The following RBM23 variants were observed in gnomAD, a reference collection of about 807,000 sequenced individuals.
RBM23 encodes probable RNA-binding protein 23.
In RBM23, 53 loss-of-function variants were observed where a neutral mutation model predicts 56.2. That is an observed-to-expected ratio of 0.94 (90% CI 0.76 to 1.19). The LOEUF (loss-of-function observed/expected upper bound fraction) is 1.19. Among genes scored for constraint, RBM23 ranks in the 50% most tolerant of loss-of-function variants. The pLI, the probability that RBM23 is intolerant of heterozygous loss-of-function variation, is 0.00. For missense variants in RBM23, 642 were observed against 590.3 expected (o/e 1.09, Z -0.91); for synonymous variants, 197 against 198.5 (o/e 0.99, Z 0.06).
rs766972623 is a variant in RBM23, at chr14:22,902,144, TAA to T, written c.1126+41_1126+42del. 1.5e-4 allele frequency: 237 copies of T among 1,605,694 alleles called. 4 individuals are homozygous for T. The South Asian group carries it at 2.3e-3, about 15-fold the overall frequency. On this transcript the variant is annotated intron_variant, in intron 11 of 13. Transcript: ENST00000359890. ...TGGGATTAAGCCCCAACCCTTCATC[TAA>T]AATTCAACCCCATAATCTTCACCTT... is the stretch of plus-strand genomic sequence containing the variant.
At chr14:22,912,935 G>A (rs1242396582) in intron 1 of RBM23, among the ~76,000 whole-genome samples, 2 of 145,638 alleles carry the variant, frequency 1.4e-5, no homozygotes, top group East Asian at 2.0e-4. Context: ...AGGAGGCGGA[G>A]GTTGCAGTTA....
rs2040257938 is a variant in RBM23 at position 22,896,949 on chromosome 14, C to T, written c.*4781G>A. 1 of 152,202 alleles carries T rather than the reference C, an allele frequency of 6.6e-6. No homozygotes were observed. Among genetic ancestry groups the T allele is most frequent in the Non-Finnish European group, 1.5e-5 (1 of 68,038 alleles). The allele number at this position is 152,202 out of a possible 1,614,324, so 9.4% of individuals were successfully genotyped here. A position where few individuals can be genotyped will look rare whatever the true frequency, so the allele number is the denominator to read the frequency against. On this transcript the variant is annotated 3_prime_UTR_variant, in exon 14 of 14. Coordinates refer to ENST00000359890, the MANE Select transcript of RBM23 (RefSeq NM_001077351.2). The stretch of plus-strand genomic sequence containing the variant: ...CCTGCATCCAGCTCGTGACTATTGC[C>T]TTCACCTGGTTGCCATGGAAACATC...
intron 2 of RBM23, 61 bp from the exon 3 acceptor site, chr14:22,909,656 G>A: frequency 7.8e-7 from 1 of 1,280,232 alleles, no homozygotes; most frequent in Non-Finnish European, 1.1e-6. Flanking sequence ...AGATTCCAAT[G>A]GGCAAAGGGA....
chr14:22,903,012 C>T, intron 10 of RBM23: 1 of 916,754 alleles, frequency 1.1e-6, no homozygotes, highest in Non-Finnish European at 1.3e-6. Context: ...GAACTCCTGA[C>T]CTCAGGCGAT....
At chr14:22,911,484 C>A in intron 1 of RBM23, 81 bp from the exon 2 acceptor site, 5 of 1,151,974 alleles carry the variant, frequency 4.3e-6, no homozygotes, top group Non-Finnish European at 6.4e-6. Flanking sequence ...TTTCCCACTC[C>A]AAGAAAGAGA....
chr14:22,904,199 C>A, intron 10 of RBM23, 62 bp downstream of exon 10: 1 of 1,612,878 alleles, frequency 6.2e-7, no homozygotes, highest in East Asian at 2.2e-5. Flanking sequence ...AGCTAAGCTG[C>A]AAAATCAGAC....
At chr14:22,902,847 T>C in intron 10 of RBM23, 1 of 905,518 alleles carries the variant, frequency 1.1e-6, no homozygotes, top group South Asian at 5.3e-5. Flanking sequence ...CCATGTCAGC[T>C]CACTACAACC....
At chr14:22,905,073 T>A in intron 8 of RBM23, 21 bp downstream of exon 8, 1 of 1,613,994 alleles carries the variant, frequency 6.2e-7, no homozygotes, top group South Asian at 1.1e-5. Flanking sequence ...AAATCTTATG[T>A]CTGTTTCTCA....
At chr14:22,913,040 A>G (rs531890028) in intron 1 of RBM23, among the ~76,000 whole-genome samples, 2 of 146,552 alleles carry the variant, frequency 1.4e-5, no homozygotes, top group Admixed American at 6.9e-5. Context: ...ACTAATCACT[A>G]TATCAAAGAA....
intron 1 of RBM23, among the ~76,000 whole-genome samples, chr14:22,918,568 C>G (rs886146127): frequency 6.6e-6 from 1 of 152,146 alleles, no homozygotes; most frequent in African/African-American, 2.4e-5. Flanking sequence ...CATGAATCTT[C>G]GACAGACTAG....
chr14:22,911,233 A>G (rs1006060895), intron 2 of RBM23, 95 bp downstream of exon 2: 30 of 975,434 alleles, frequency 3.1e-5, no homozygotes, highest in Non-Finnish European at 4.2e-5. Flanking sequence ...ATAAGCAGGG[A>G]AAGAGGATTC....
Position 22,904,261 on chromosome 14 carries a change from C to G in RBM23, c.930G>C (p.Thr310=). The part of the protein sequence containing the change: ...TGRSKGYGFI[T]FSDSECARRA... ...AAAAATTAAAAGACTAGAGACTCAC[C>G]GTGATGAAACCATAACCTTTAGAGC... The change falls in exon 10 of 14, where the codon ACG becomes ACC. Residue 310 remains threonine, a splice_region_variant and synonymous_variant. Transcript: ENST00000359890. The G allele has an allele frequency of 1.9e-6, 3 of 1,613,984 alleles. No homozygotes were observed. The highest frequency in any genetic ancestry group is 2.5e-6 in the Non-Finnish European group (3 of 1,179,888).
At chr14:22,909,426 G>T in intron 3 of RBM23, 57 bp downstream of exon 3, 1 of 1,398,150 alleles carries the variant, frequency 7.2e-7, no homozygotes, top group Non-Finnish European at 1.0e-6. Context: ...TTTTTCCAAT[G>T]GACAAAACTG....
intron 2 of RBM23, among the ~76,000 whole-genome samples, chr14:22,910,498 G>C (rs73590531): frequency 0.027 from 4,039 of 150,236 alleles, 139 homozygotes; most frequent in African/African-American, 0.071. Flanking sequence ...GAAAGCGGTG[G>C]GGGGGAAAGG....
chr14:22,902,899 C>T (rs748610767), intron 10 of RBM23: 18 of 727,332 alleles, frequency 2.5e-5, no homozygotes, highest in African/African-American at 9.7e-5. Flanking sequence ...CTCAGCCTCC[C>T]GAGTAGCTGG....
chr14:22,914,478 C>A (rs1452979060), intron 1 of RBM23, among the ~76,000 whole-genome samples: 1 of 151,334 alleles, frequency 6.6e-6, no homozygotes, highest in African/African-American at 2.4e-5. Flanking sequence ...GATGACACAG[C>A]GAGACTGTCT....
chr14:22,902,720 C>A, intron 10 of RBM23: 1 of 564,392 alleles, frequency 1.8e-6, no homozygotes. Context: ...GGCTCCTGGG[C>A]TTTTAATTCA....
chr14:22,917,829 C>T (rs2043822301), intron 1 of RBM23: 1 of 152,238 alleles, frequency 6.6e-6, no homozygotes, highest in Non-Finnish European at 1.5e-5. Flanking sequence ...ATTAGAGACC[C>T]ACAATCACGT....
chr14:22,916,122 G>A (rs1243577675), intron 1 of RBM23, among the ~76,000 whole-genome samples: 1 of 152,138 alleles, frequency 6.6e-6, no homozygotes, highest in Non-Finnish European at 1.5e-5. Context: ...AGCCTGAAAT[G>A]GAAGGATCGC....
Sources: gnomAD v4.1 joint callset for allele counts (sites outside exome capture counted in the v4.1 genomes callset) on GRCh38, gnomAD v4.1.1 for gene constraint, MANE v1.5 for transcripts, NCBI Gene and HGNC (gene_info 2026-07-23, HGNC 2026-07-21) for gene names.